RBFOX1: variants seen among roughly 807,000 people sequenced by gnomAD.
The protein encoded by RBFOX1 is RNA binding fox-1 homolog 1, also known as RNA binding protein fox-1 homolog 1.
A neutral mutation model predicts 57.7 loss-of-function variants in RBFOX1; 8 were observed. The ratio of observed to expected loss-of-function variants is 0.14; its 90% CI spans 0.08 to 0.25. RBFOX1 has a LOEUF of 0.25. Ranked by LOEUF, RBFOX1 falls within the 10% of genes least tolerant of loss-of-function variation. RBFOX1 has a pLI of 1.00. For synonymous variants in RBFOX1, 326 were observed against 222.4 expected, an observed-to-expected ratio of 1.47 and a Z score of -4.15; for missense variants, 611 against 548.5, an observed-to-expected ratio of 1.11 and a Z score of -1.14.
At chr16:6,049,858 T>A (rs1203273770) in intron 1 of RBFOX1, among the ~76,000 whole-genome samples, 1 of 152,160 alleles carries the variant, frequency 6.6e-6, no homozygotes, top group Non-Finnish European at 1.5e-5. Flanking sequence ...TATGATAGTT[T>A]GTTTATTTGA....
Position 7,612,851 on chromosome 16 carries a change from CCAACT to C in RBFOX1, c.676+5516_676+5520del, listed in dbSNP as rs577841701. On this transcript the variant is annotated intron_variant, in intron 10 of 15. Transcript: ENST00000550418. Reference sequence around the variant, plus strand: ...TCACCCACGTTGTATATCATATCTGCCAACTCATTTCTGTGATTAAATATTCCATC... The same window carrying C: ...TCACCCACGTTGTATATCATATCTGCCATTTCTGTGATTAAATATTCCATC... Among the ~76,000 whole-genome samples the C allele has an allele frequency of 3.6e-3, 545 of 152,278 alleles. 3 individuals are homozygous for C. Among genetic ancestry groups the C allele is most frequent in the Non-Finnish European group, 5.4e-3 (368 of 68,034 alleles).
intron 2 of RBFOX1, among the ~76,000 whole-genome samples, chr16:6,359,155 C>T (rs112052613): frequency 1.0e-3 from 155 of 152,230 alleles, no homozygotes; most frequent in Non-Finnish European, 1.5e-3. Flanking sequence ...TGCAGTGGCA[C>T]GATCTCAGCT....
At chr16:5,614,463 C>G (rs1325816380) in intron 3 of RBFOX1, among the ~76,000 whole-genome samples, 1 of 152,084 alleles carries the variant, frequency 6.6e-6, no homozygotes, top group East Asian at 1.9e-4. Flanking sequence ...TCTAATTACT[C>G]AGACATAAAT....
intron 1 of RBFOX1, among the ~76,000 whole-genome samples, chr16:5,307,440 TA>T (rs1237972975): frequency 6.6e-6 from 1 of 152,160 alleles, no homozygotes; most frequent in African/African-American, 2.4e-5. Context: ...GAAGTTAAAA[TA>T]AAACAGCAGA....
chr16:7,166,849 G>T (rs1259882551), intron 4 of RBFOX1, among the ~76,000 whole-genome samples: 2 of 152,086 alleles, frequency 1.3e-5, no homozygotes, highest in African/African-American at 2.4e-5. Flanking sequence ...CAACTCGGGG[G>T]TGGTGCAGGA....
At chr16:6,770,596 AT>A (rs5815346) in intron 3 of RBFOX1, among the ~76,000 whole-genome samples, 19,012 of 148,288 alleles carry the variant, frequency 0.13, 2,565 homozygotes, top group African/African-American at 0.33. Context: ...TCCCTGTTCA[AT>A]TTTTTTTTTT....
rs190449258 is a variant in RBFOX1 at position 5,440,625 on chromosome 16, A to G, written c.220-26591A>G. 2.3e-3 allele frequency among the ~76,000 whole-genome samples: 348 copies of G among 152,278 alleles called. 2 individuals are homozygous for G. Among genetic ancestry groups the G allele is most frequent in the African/African-American group, 8.2e-3 (341 of 41,568 alleles). On this transcript the variant is annotated intron_variant, in intron 1 of 2. Transcript: ENST00000585867. ...TCCCTGTGATGCTCTGGAGATTATG[A>G]TTTAGAAGCAAGACTGGCTGGAGGC...
intron 3 of RBFOX1, among the ~76,000 whole-genome samples, chr16:6,742,311 A>G (rs2072417808): frequency 6.6e-6 from 1 of 152,200 alleles, no homozygotes; most frequent in South Asian, 2.1e-4. Flanking sequence ...TTAAACAGGT[A>G]AAATTTAAGA....
At chr16:7,422,154 G>A (rs1424241326) in intron 4 of RBFOX1, among the ~76,000 whole-genome samples, 1 of 152,180 alleles carries the variant, frequency 6.6e-6, no homozygotes, top group Non-Finnish European at 1.5e-5. Flanking sequence ...GTATGTTTGT[G>A]TACGTGTGCG....
intron 3 of RBFOX1, among the ~76,000 whole-genome samples, chr16:6,904,903 T>G (rs1231254959): frequency 6.6e-6 from 1 of 152,168 alleles, no homozygotes; most frequent in Non-Finnish European, 1.5e-5. Flanking sequence ...ATTCCCCTGT[T>G]CCCAATTCCC....
intron 4 of RBFOX1, among the ~76,000 whole-genome samples, chr16:5,911,670 T>A (rs565121042): frequency 6.6e-6 from 1 of 152,254 alleles, no homozygotes; most frequent in Non-Finnish European, 1.5e-5. Flanking sequence ...ACAGCAGAGA[T>A]TTATTTTTCA....
At chr16:6,038,646 G>A (rs1441845103) in intron 1 of RBFOX1, 1 of 145,710 alleles carries the variant, frequency 6.9e-6, no homozygotes, top group Non-Finnish European at 1.5e-5. Flanking sequence ...TATGAATGAA[G>A]CACTTAGTAG....
At chr16:7,626,642 G>A (rs900504010) in intron 10 of RBFOX1, among the ~76,000 whole-genome samples, 1 of 152,152 alleles carries the variant, frequency 6.6e-6, no homozygotes, top group African/African-American at 2.4e-5. Flanking sequence ...AACCAGGAAA[G>A]AAGAGAAAAC....
At chr16:6,160,643 A>T (rs1298302031) in intron 1 of RBFOX1, among the ~76,000 whole-genome samples, 1 of 152,162 alleles carries the variant, frequency 6.6e-6, no homozygotes, top group African/African-American at 2.4e-5. Context: ...TTATCACACA[A>T]TGGTTTTGTG....
chr16:5,633,570 T>A (rs563788634), intron 3 of RBFOX1, among the ~76,000 whole-genome samples: 6 of 152,056 alleles, frequency 3.9e-5, no homozygotes, highest in Admixed American at 2.6e-4. Context: ...AAAGAAATAA[T>A]CCCATCAAAA....
intron 1 of RBFOX1, among the ~76,000 whole-genome samples, chr16:5,273,888 G>A (rs2063077829): frequency 6.6e-6 from 1 of 152,168 alleles, no homozygotes; most frequent in South Asian, 2.1e-4. Flanking sequence ...GAAGGGAAAG[G>A]AATGCTGGTA....
chr16:6,414,588 G>T (rs903158754), intron 2 of RBFOX1, among the ~76,000 whole-genome samples: 1 of 152,118 alleles, frequency 6.6e-6, no homozygotes, highest in Non-Finnish European at 1.5e-5. Flanking sequence ...TAAGCAAAGG[G>T]GTCTCATTCG....
intron 1 of RBFOX1, among the ~76,000 whole-genome samples, chr16:6,208,644 C>T (rs1242168018): frequency 1.3e-5 from 2 of 152,166 alleles, no homozygotes; most frequent in Admixed American, 1.3e-4. Flanking sequence ...GCACAGTGGC[C>T]ATGTTTTAAT....
At chr16:7,696,653 C>T (rs1598340980) in intron 14 of RBFOX1, among the ~76,000 whole-genome samples, 1 of 152,076 alleles carries the variant, frequency 6.6e-6, no homozygotes, top group Non-Finnish European at 1.5e-5. Context: ...AAAAGACCTT[C>T]ATGGTATGGG....
Sources: allele counts gnomAD v4.1 joint callset (sites outside exome capture counted in the v4.1 genomes callset), GRCh38; gene constraint gnomAD v4.1.1; transcripts MANE v1.5; gene names NCBI Gene and HGNC (gene_info 2026-07-23, HGNC 2026-07-21).